The following RELCH variants were observed in gnomAD, a reference collection of about 807,000 sequenced individuals.
RELCH encodes RAB11 binding and LisH domain, coiled-coil and HEAT repeat containing.
RELCH carries 41 observed loss-of-function variants against 150.3 expected under a neutral mutation model. The observed-to-expected ratio is 0.27, with a 90% CI of 0.21 to 0.35. RELCH has a LOEUF of 0.35. Among genes scored for constraint, RELCH ranks in the 10% least tolerant of loss-of-function variants. The pLI is 1.00. For missense variants in RELCH, 1,092 were observed against 1,467.8 expected (o/e 0.74, Z 4.18); for synonymous variants, 478 against 531.8 (o/e 0.90, Z 1.39).
At chr18:62,191,164 T>C (rs928477540) in intron 1 of RELCH, among the ~76,000 whole-genome samples, 1 of 152,226 alleles carries the variant, frequency 6.6e-6, no homozygotes, top group Non-Finnish European at 1.5e-5. Context: ...TTTACGTCTT[T>C]ATGAGAAACT....
chr18:62,301,812 C>T (rs2045675872), intron 28 of RELCH, among the ~76,000 whole-genome samples: 1 of 152,130 alleles, frequency 6.6e-6, no homozygotes, highest in African/African-American at 2.4e-5. Flanking sequence ...GAAGTGTGGT[C>T]TTGGATGGGA....
Position 62,252,755 on chromosome 18 carries a change from G to A in RELCH, c.1824+1G>A. On this transcript the variant is annotated splice_donor_variant, in intron 12 of 28. Coordinates refer to ENST00000644646, the MANE Select transcript of RELCH (RefSeq NM_001346231.2). LOFTEE classifies it high-confidence loss of function. ...ACTTTTACCACAGTGTTGGGAACAG[G>A]TAAATAACTGTATTGAGTTTTCACC... The A allele has an allele frequency of 6.2e-7, 1 of 1,606,392 alleles. No homozygotes were observed. Among genetic ancestry groups the A allele is most frequent in the Non-Finnish European group, 8.5e-7 (1 of 1,173,108 alleles).
intron 26 of RELCH, among the ~76,000 whole-genome samples, chr18:62,290,130 AT>A (rs1383257798): frequency 6.6e-6 from 1 of 152,200 alleles, no homozygotes; most frequent in Non-Finnish European, 1.5e-5. Flanking sequence ...AACAATTTTT[AT>A]TTATAACTGT....
chr18:62,305,450 T>C lies in RELCH; in HGVS notation c.3567T>C (p.Asp1189=), dbSNP rs1485286929. The C allele has an allele frequency of 4.3e-6, 7 of 1,611,884 alleles. No individual in the cohort carries two copies. The East Asian group carries it at 8.9e-5, about 21-fold the overall frequency. Residue 1189 remains aspartate, a synonymous_variant, in exon 29 of 29, where the codon GAT becomes GAC. Transcript: ENST00000644646. The surrounding 1 kb of genome is among the most constrained non-coding windows in gnomAD (Gnocchi z 4.0). The stretch of plus-strand genomic sequence containing the variant: ...TTGCTGCAAGCTTAGTGAGTGAAGA[T>C]ACAAAGACCAAGTTTTTGAACAAAA... ...MSIAASLVSE[D]TKTKFLNKMG...
chr18:62,211,881 A>G (rs1299770301), intron 2 of RELCH, among the ~76,000 whole-genome samples: 1 of 152,216 alleles, frequency 6.6e-6, no homozygotes, highest in Non-Finnish European at 1.5e-5. Context: ...CCATCACAGC[A>G]TGTCTTCAGA....
rs111379321 is a variant in RELCH, at chr18:62,203,643, C to T, written c.527-7510C>T. Among the ~76,000 whole-genome samples, 381 of 152,218 alleles carry T rather than the reference C, an allele frequency of 2.5e-3. 3 individuals carry two copies. Among genetic ancestry groups the T allele is most frequent in the African/African-American group, 8.9e-3 (368 of 41,534 alleles). ...TTTTGGAAAGCGATTTAGCAGTAGC[C>T]TTAATCAACTTTATCAGTAGCCTTA... is the stretch of plus-strand genomic sequence containing the variant. On this transcript the variant is annotated intron_variant, in intron 1 of 28. Coordinates refer to ENST00000644646, the MANE Select transcript of RELCH (RefSeq NM_001346231.2).
intron 24 of RELCH, among the ~76,000 whole-genome samples, chr18:62,282,012 G>A (rs546860801): frequency 3.9e-5 from 6 of 152,122 alleles, no homozygotes; most frequent in Non-Finnish European, 8.8e-5. Flanking sequence ...TAATCATAAA[G>A]TTACCTACTT....
At chr18:62,260,202 A>AAAAAAAAAAAAAAAAAAAC (rs2043187561) in intron 15 of RELCH, among the ~76,000 whole-genome samples, 1 of 151,142 alleles carries the variant, frequency 6.6e-6, no homozygotes, top group Non-Finnish European at 1.5e-5. Flanking sequence ...GCAAAAAAAA[A>AAAAAAAAAAAAAAAAAAAC]AAATCCAATT....
intron 1 of RELCH, among the ~76,000 whole-genome samples, chr18:62,195,813 A>T (rs1033497048): frequency 2.0e-5 from 3 of 151,508 alleles, no homozygotes; most frequent in African/African-American, 7.3e-5. Flanking sequence ...CTCCTGCCTC[A>T]GCCTCCCGAG....
At chr18:62,268,070 A>G (rs2043684972) in intron 19 of RELCH, among the ~76,000 whole-genome samples, 1 of 152,040 alleles carries the variant, frequency 6.6e-6, no homozygotes, top group South Asian at 2.1e-4. Context: ...CAATTTCTTT[A>G]TGTAGTACCC....
intron 1 of RELCH, among the ~76,000 whole-genome samples, chr18:62,190,079 T>C (rs1322381475): frequency 6.6e-6 from 1 of 152,240 alleles, no homozygotes; most frequent in African/African-American, 2.4e-5. Flanking sequence ...GCTTTTCCTG[T>C]CTTTAATGGT....
intron 27 of RELCH, 78 bp downstream of exon 27, chr18:62,291,709 G>A: frequency 1.1e-6 from 1 of 901,634 alleles, no homozygotes; most frequent in Non-Finnish European, 1.7e-6. Flanking sequence ...TCTATGTGAG[G>A]CTTATGATAT....
intron 25 of RELCH, among the ~76,000 whole-genome samples, chr18:62,284,949 T>C (rs80281601): frequency 0.023 from 3,499 of 150,850 alleles, 43 homozygotes; most frequent in Middle Eastern, 0.068. Context: ...CAGTCGTACA[T>C]TGGAGATTTT....
chr18:62,287,581 G>A, intron 26 of RELCH, 114 bp downstream of exon 26: 4 of 681,874 alleles, frequency 5.9e-6, no homozygotes, highest in Non-Finnish European at 1.0e-5. Context: ...ATTAAGCGTT[G>A]TAGAAAATTG....
intron 28 of RELCH, among the ~76,000 whole-genome samples, chr18:62,303,985 A>G (rs1282975631): frequency 2.6e-5 from 4 of 152,216 alleles, no homozygotes; most frequent in Non-Finnish European, 4.4e-5. Context: ...TTCAAAGAAT[A>G]AGGTCACAGG....
chr18:62,254,931 A>C (rs922397290), intron 12 of RELCH, among the ~76,000 whole-genome samples: 10 of 152,254 alleles, frequency 6.6e-5, no homozygotes, highest in African/African-American at 2.4e-4. Flanking sequence ...CTTACTTTAT[A>C]AATAAAAGCA....
At chr18:62,288,017 C>A (rs1221718323) in intron 26 of RELCH, among the ~76,000 whole-genome samples, 1 of 152,056 alleles carries the variant, frequency 6.6e-6, no homozygotes, top group Non-Finnish European at 1.5e-5. Context: ...TAAACTAAGG[C>A]TTAAAGACAT....
At chr18:62,201,075 G>T (rs1476030483) in intron 1 of RELCH, among the ~76,000 whole-genome samples, 1 of 142,036 alleles carries the variant, frequency 7.0e-6, no homozygotes, top group Non-Finnish European at 1.5e-5. Flanking sequence ...CCAGGTTCCA[G>T]TGATTCTCCT....
chr18:62,201,826 C>T (rs981219578), intron 1 of RELCH, among the ~76,000 whole-genome samples: 1 of 152,112 alleles, frequency 6.6e-6, no homozygotes, highest in Non-Finnish European at 1.5e-5. Context: ...ACCCAATACT[C>T]TTTTATTAGT....
Sources: allele counts gnomAD v4.1 joint callset (sites outside exome capture counted in the v4.1 genomes callset), GRCh38; gene constraint gnomAD v4.1.1; non-coding constraint Gnocchi (gnomAD v3.1); transcripts MANE v1.5; gene names NCBI Gene and HGNC (gene_info 2026-07-23, HGNC 2026-07-21).